Variants in CELF4 observed in about 807,000 individuals in gnomAD.
CELF4 encodes CUG-BP- and ETR-3-like factor 4.
A neutral mutation model predicts 59.9 loss-of-function variants in CELF4; 18 were observed. That is an observed-to-expected ratio of 0.30 (90% CI 0.21 to 0.45). The LOEUF (loss-of-function observed/expected upper bound fraction) is 0.45. Among genes scored for constraint, CELF4 ranks in the 20% least tolerant of loss-of-function variants. The pLI, the probability that CELF4 is intolerant of heterozygous loss-of-function variation, is 1.00. For missense variants in CELF4, 456 were observed against 689.0 expected (o/e 0.66, Z 3.79); for synonymous variants, 261 against 267.1 (o/e 0.98, Z 0.22).
chr18:37,480,805 T>C (rs1488174743), intron 2 of CELF4, among the ~76,000 whole-genome samples: 1 of 146,734 alleles, frequency 6.8e-6, no homozygotes, highest in African/African-American at 2.6e-5. Flanking sequence ...TAGAGGAAAA[T>C]GGGCAGAGGG....
chr18:37,306,709 T>C (rs778819124), intron 3 of CELF4, among the ~76,000 whole-genome samples: 21 of 152,122 alleles, frequency 1.4e-4, no homozygotes, highest in Admixed American at 3.3e-4. Flanking sequence ...TGGCATGCCG[T>C]GGTGAGCGGT....
At chr18:37,435,361 G>A (rs9960875) in intron 2 of CELF4, among the ~76,000 whole-genome samples, 2,898 of 152,248 alleles carry the variant, frequency 0.019, 98 homozygotes, top group African/African-American at 0.066. Context: ...ATGTGTGTGT[G>A]TGCACGTGTG....
intron 1 of CELF4, among the ~76,000 whole-genome samples, chr18:37,552,764 A>T (rs1044029252): frequency 1.3e-5 from 2 of 152,198 alleles, no homozygotes; most frequent in East Asian, 1.9e-4. Flanking sequence ...CTCCAGCTGG[A>T]TGGTTCAGCC....
chr18:37,520,983 G>C (rs529542013), intron 1 of CELF4, among the ~76,000 whole-genome samples: 84 of 152,114 alleles, frequency 5.5e-4, no homozygotes, highest in African/African-American at 1.8e-3. Flanking sequence ...CCCTTGGCAT[G>C]GGGAGGGGTC....
Position 37,274,662 on chromosome 18 carries a change from C to T in CELF4, c.657+143G>A, listed in dbSNP as rs1267839496. 4 of 1,479,736 alleles carry T rather than the reference C, an allele frequency of 2.7e-6. No individual in the cohort carries two copies. The East Asian group carries it at 9.9e-5, about 37-fold the overall frequency. The allele number at this position is 1,479,736 out of a possible 1,614,324, so 91.7% of individuals were successfully genotyped here. A position where few individuals can be genotyped will look rare whatever the true frequency, so the allele number is the denominator to read the frequency against. ...AGGCCAGTTCCTTAACATCCCTGGG[C>T]TTCCGCGTCCTTGTCTGAGGCCCGG... On this transcript the variant is annotated intron_variant, in intron 5 of 12. Coordinates refer to ENST00000420428, the MANE Select transcript of CELF4 (RefSeq NM_020180.4).
At chr18:37,498,140 T>A (rs2099927302) in intron 1 of CELF4, among the ~76,000 whole-genome samples, 1 of 152,140 alleles carries the variant, frequency 6.6e-6, no homozygotes, top group Non-Finnish European at 1.5e-5. Context: ...AAGCTCTGCA[T>A]ATGCAAAGAC....
chr18:37,262,975 C>T (rs1346200305), intron 10 of CELF4, among the ~76,000 whole-genome samples: 1 of 152,204 alleles, frequency 6.6e-6, no homozygotes, highest in African/African-American at 2.4e-5. Context: ...ATGGGAAGCC[C>T]TGATGCCCCT....
chr18:37,355,348 G>A (rs1299225818), intron 2 of CELF4, among the ~76,000 whole-genome samples: 1 of 151,882 alleles, frequency 6.6e-6, no homozygotes, highest in Non-Finnish European at 1.5e-5. Flanking sequence ...GGTACATGTG[G>A]TGTAACATGG....
In CELF4 at chr18:37,275,579, C is replaced by T. The variant is rs539278457; in HGVS notation, c.449-336G>A. 3.2e-5 allele frequency: 10 copies of T among 316,624 alleles called. No individual in the cohort carries two copies. The East Asian group carries it at 5.6e-4, about 18-fold the overall frequency. 19.6% of individuals were successfully genotyped at this position (316,624 alleles called of 1,614,324 possible). On this transcript the variant is annotated intron_variant, in intron 3 of 12. Transcript: ENST00000420428. ...GAGGAGCAGAGACCCTGGGCTGACC[C>T]CTCACTAGAGCACACGGGCAGCCTG...
intron 2 of CELF4, among the ~76,000 whole-genome samples, chr18:37,381,369 C>T (rs1327935096): frequency 6.6e-6 from 1 of 152,120 alleles, no homozygotes; most frequent in Non-Finnish European, 1.5e-5. Flanking sequence ...ATGGAGGAGG[C>T]CCTCATGTTC....
chr18:37,509,679 A>G (rs149449372), intron 1 of CELF4, among the ~76,000 whole-genome samples: 1 of 152,374 alleles, frequency 6.6e-6, no homozygotes, highest in East Asian at 1.9e-4. Flanking sequence ...CCAAAGAATT[A>G]AAGATGGGTA....
At chr18:37,476,039 C>A (rs2099847972) in intron 2 of CELF4, among the ~76,000 whole-genome samples, 1 of 152,208 alleles carries the variant, frequency 6.6e-6, no homozygotes. Flanking sequence ...TTAGGAGTCA[C>A]AGGACTTTAT....
At chr18:37,530,071 C>A (rs2154605019) in intron 1 of CELF4, among the ~76,000 whole-genome samples, 1 of 152,320 alleles carries the variant, frequency 6.6e-6, no homozygotes, top group South Asian at 2.1e-4. Context: ...AGAGACTGCA[C>A]TACCCACGCC....
intron 3 of CELF4, among the ~76,000 whole-genome samples, chr18:37,291,443 C>T (rs1337451109): frequency 6.6e-6 from 1 of 152,186 alleles, no homozygotes; most frequent in Non-Finnish European, 1.5e-5. Context: ...TACCCCGCAC[C>T]CTGGTGTGGT....
chr18:37,317,144 T>C (rs1178499813), intron 3 of CELF4, among the ~76,000 whole-genome samples: 2 of 152,184 alleles, frequency 1.3e-5, no homozygotes, highest in African/African-American at 4.8e-5. Context: ...CCCAGCACTT[T>C]GGGAGGCCAA....
At chr18:37,430,289 GC>G (rs1453988397) in intron 2 of CELF4, among the ~76,000 whole-genome samples, 1 of 152,192 alleles carries the variant, frequency 6.6e-6, no homozygotes, top group Admixed American at 6.5e-5. Context: ...ATAACCTGGG[GC>G]CCCTTGGAAA....
intron 1 of CELF4, among the ~76,000 whole-genome samples, chr18:37,548,349 A>T (rs922245332): frequency 6.6e-6 from 1 of 152,206 alleles, no homozygotes; most frequent in Non-Finnish European, 1.5e-5. Context: ...ATCTGGGTGT[A>T]TCTAACCTCA....
At chr18:37,369,090 C>T (rs949333167) in intron 2 of CELF4, among the ~76,000 whole-genome samples, 1 of 152,200 alleles carries the variant, frequency 6.6e-6, no homozygotes, top group Non-Finnish European at 1.5e-5. Context: ...TGAGATGCTT[C>T]CCCAGGGAGA....
chr18:37,560,191 GC>G (rs1173253908), intron 1 of CELF4, among the ~76,000 whole-genome samples: 1 of 152,212 alleles, frequency 6.6e-6, no homozygotes, highest in Non-Finnish European at 1.5e-5. Flanking sequence ...ATCTAGGCCA[GC>G]CCTGGTTTCC....
Sources: allele counts gnomAD v4.1 joint callset (sites outside exome capture counted in the v4.1 genomes callset), GRCh38; gene constraint gnomAD v4.1.1; transcripts MANE v1.5; gene names NCBI Gene and HGNC (gene_info 2026-07-23, HGNC 2026-07-21).